GPC6: variants seen among roughly 807,000 people sequenced by gnomAD.
GPC6 encodes glypican 6, also known as glypican-6.
A neutral mutation model predicts 55.2 loss-of-function variants in GPC6; 14 were observed. The observed-to-expected ratio is 0.25, with a 90% CI of 0.17 to 0.40. The LOEUF (loss-of-function observed/expected upper bound fraction) is 0.40, where lower values mean the gene tolerates loss of function less well. Among genes scored for constraint, GPC6 ranks in the 10% least tolerant of loss-of-function variants. The pLI is 1.00. For missense variants in GPC6, 641 were observed against 708.5 expected (o/e 0.90, Z 1.08); for synonymous variants, 278 against 259.6 (o/e 1.07, Z -0.68).
chr13:94,263,547 A>G (rs542677591), intron 4 of GPC6, among the ~76,000 whole-genome samples: 36 of 152,316 alleles, frequency 2.4e-4, no homozygotes, highest in African/African-American at 7.9e-4. Flanking sequence ...GCCAGATAAA[A>G]GCAGAGAAAA....
chr13:93,280,668 C>T (rs565170085), intron 1 of GPC6, among the ~76,000 whole-genome samples: 54 of 152,322 alleles, frequency 3.5e-4, no homozygotes, highest in Middle Eastern at 6.8e-3. Flanking sequence ...CTACATAGGG[C>T]GCTTTACTTA....
intron 2 of GPC6, among the ~76,000 whole-genome samples, chr13:93,621,871 AT>A (rs1274188940): frequency 6.6e-6 from 1 of 152,064 alleles, no homozygotes; most frequent in African/African-American, 2.4e-5. Context: ...TGTTGGAAAC[AT>A]TTTCAGTCCT....
At chr13:93,466,043 C>G (rs1878891894) in intron 1 of GPC6, among the ~76,000 whole-genome samples, 1 of 151,986 alleles carries the variant, frequency 6.6e-6, no homozygotes, top group Non-Finnish European at 1.5e-5. Context: ...ATAATAACAT[C>G]AAAGATTACT....
At chr13:93,516,888 T>A (rs533872711) in intron 1 of GPC6, among the ~76,000 whole-genome samples, 33 of 152,158 alleles carry the variant, frequency 2.2e-4, no homozygotes, top group Non-Finnish European at 4.3e-4. Context: ...TCTCTTTGAA[T>A]TAGAAAGATC....
At chr13:93,954,723 G>T (rs1879421314) in intron 3 of GPC6, among the ~76,000 whole-genome samples, 1 of 152,082 alleles carries the variant, frequency 6.6e-6, no homozygotes, top group African/African-American at 2.4e-5. Context: ...CAGACACTCA[G>T]TCCCACTTGA....
At chr13:93,402,815 C>T (rs1239939905) in intron 1 of GPC6, among the ~76,000 whole-genome samples, 1 of 152,028 alleles carries the variant, frequency 6.6e-6, no homozygotes, top group Non-Finnish European at 1.5e-5. Flanking sequence ...CTTATTGGAC[C>T]CATTTTCCAA....
intron 1 of GPC6, among the ~76,000 whole-genome samples, chr13:93,250,684 G>A (rs1876758004): frequency 6.6e-6 from 1 of 152,040 alleles, no homozygotes. Flanking sequence ...AGTACTCTGT[G>A]CCCCAAAGTT....
chr13:94,219,392 C>T (rs905269190), intron 4 of GPC6, among the ~76,000 whole-genome samples: 2 of 152,188 alleles, frequency 1.3e-5, no homozygotes, highest in Non-Finnish European at 2.9e-5. Context: ...GAGGCACTGC[C>T]TCTGTACCAG....
At chr13:93,406,831 A>G (rs976188269) in intron 1 of GPC6, among the ~76,000 whole-genome samples, 2 of 152,166 alleles carry the variant, frequency 1.3e-5, no homozygotes, top group African/African-American at 4.8e-5. Flanking sequence ...AGCATGAGCT[A>G]TTTCACGAAA....
chr13:93,535,862 C>T (rs1882042767), intron 1 of GPC6, among the ~76,000 whole-genome samples: 1 of 152,014 alleles, frequency 6.6e-6, no homozygotes, highest in Non-Finnish European at 1.5e-5. Context: ...ACAAAGAAAG[C>T]AAGACTCAGA....
At chr13:94,390,893 AT>A (rs5805861) in intron 7 of GPC6, among the ~76,000 whole-genome samples, 77,607 of 149,380 alleles carry the variant, frequency 0.52, 20,067 homozygotes, top group East Asian at 0.64. Flanking sequence ...GAAAAAAAAA[AT>A]AAATGTTAGG....
chr13:94,325,682 C>T (rs567430895), intron 6 of GPC6, among the ~76,000 whole-genome samples: 1 of 152,240 alleles, frequency 6.6e-6, no homozygotes, highest in East Asian at 1.9e-4. Flanking sequence ...TGGTTAAAAT[C>T]CCTATTACAT....
intron 1 of GPC6, among the ~76,000 whole-genome samples, chr13:93,343,521 G>A (rs1020077398): frequency 6.6e-6 from 1 of 152,166 alleles, no homozygotes; most frequent in East Asian, 1.9e-4. Flanking sequence ...TGTTATGAAT[G>A]TATTTAGATA....
chr13:94,382,791 G>A (rs1476330192), intron 7 of GPC6, among the ~76,000 whole-genome samples: 1 of 152,226 alleles, frequency 6.6e-6, no homozygotes, highest in Non-Finnish European at 1.5e-5. Context: ...GATGAGGACA[G>A]AGGAATGGTG....
intron 4 of GPC6, among the ~76,000 whole-genome samples, chr13:94,110,062 T>TAAAAAAAAAAAAAAAA (rs78404632): frequency 2.4e-5 from 2 of 84,618 alleles, no homozygotes; most frequent in African/African-American, 4.2e-5. Flanking sequence ...CACCCTGGAC[T>TAAAAAAAAAAAAAAAA]AAAAAAAAAA....
intron 4 of GPC6, among the ~76,000 whole-genome samples, chr13:94,187,644 C>A (rs1889249531): frequency 6.6e-6 from 1 of 152,126 alleles, no homozygotes; most frequent in Non-Finnish European, 1.5e-5. Context: ...CACTATCGGG[C>A]AAACATTGTT....
chr13:94,251,463 G>GAAA (rs57853055), intron 4 of GPC6, among the ~76,000 whole-genome samples: 66 of 145,738 alleles, frequency 4.5e-4, no homozygotes, highest in African/African-American at 1.5e-3. Flanking sequence ...GAACTTAAAG[G>GAAA]AAAAAAAAAA....
At chr13:93,566,966 G>C (rs1318490436) in intron 2 of GPC6, among the ~76,000 whole-genome samples, 1 of 152,098 alleles carries the variant, frequency 6.6e-6, no homozygotes, top group Non-Finnish European at 1.5e-5. Context: ...GTCTATCATT[G>C]ATGGGCATTT....
At chr13:94,148,032 C>A (rs1213830272) in intron 4 of GPC6, among the ~76,000 whole-genome samples, 1 of 152,088 alleles carries the variant, frequency 6.6e-6, no homozygotes, top group Non-Finnish European at 1.5e-5. Flanking sequence ...AATATTCCAG[C>A]AAATAATTAA....
Sources: allele counts gnomAD v4.1 joint callset (sites outside exome capture counted in the v4.1 genomes callset), GRCh38; gene constraint gnomAD v4.1.1; transcripts MANE v1.5; gene names NCBI Gene and HGNC (gene_info 2026-07-23, HGNC 2026-07-21).